The following XPR1 variants were observed in gnomAD, a reference collection of about 807,000 sequenced individuals.
The protein encoded by XPR1 is solute carrier family 53 member 1.
XPR1 carries 28 observed loss-of-function variants against 87.5 expected under a neutral mutation model. The ratio of observed to expected loss-of-function variants is 0.32; its 90% CI spans 0.24 to 0.44. The LOEUF (loss-of-function observed/expected upper bound fraction) is 0.44. Ranked by LOEUF, XPR1 falls within the 20% of genes least tolerant of loss-of-function variation. The probability of loss-of-function intolerance (pLI) is 1.00; values close to 1 mark genes in which losing one functional copy is unlikely to be tolerated. For missense variants in XPR1, 559 were observed against 862.3 expected (o/e 0.65, Z 4.41); for synonymous variants, 300 against 306.1 (o/e 0.98, Z 0.21).
intron 11 of XPR1, among the ~76,000 whole-genome samples, chr1:180,837,367 A>G (rs1246578048): frequency 6.6e-6 from 1 of 152,218 alleles, no homozygotes; most frequent in Non-Finnish European, 1.5e-5. Flanking sequence ...AACATCAACC[A>G]ACACCTTAGA....
At chr1:180,729,304 T>C (rs1232702939) in intron 2 of XPR1, among the ~76,000 whole-genome samples, 1 of 152,204 alleles carries the variant, frequency 6.6e-6, no homozygotes, top group Non-Finnish European at 1.5e-5. Flanking sequence ...GATTAACATA[T>C]GTGTGCATTT....
chr1:180,732,845 C>T (rs1249978846), intron 2 of XPR1, among the ~76,000 whole-genome samples: 1 of 152,210 alleles, frequency 6.6e-6, no homozygotes, highest in Non-Finnish European at 1.5e-5. Context: ...AGAATCGGAT[C>T]ACACTTGGGC....
At chr1:180,666,924 T>C (rs1300179776) in intron 1 of XPR1, among the ~76,000 whole-genome samples, 1 of 152,114 alleles carries the variant, frequency 6.6e-6, no homozygotes, top group African/African-American at 2.4e-5. Flanking sequence ...CAGTCTTTTT[T>C]TTTTTTTCCA....
chr1:180,701,525 A>G (rs1657331368), intron 2 of XPR1, among the ~76,000 whole-genome samples: 1 of 140,144 alleles, frequency 7.1e-6, no homozygotes, highest in East Asian at 1.9e-4. Flanking sequence ...ACATTTATTG[A>G]TTTGTGTATA....
intron 2 of XPR1, among the ~76,000 whole-genome samples, chr1:180,763,567 T>A (rs1416084280): frequency 6.6e-6 from 1 of 152,184 alleles, no homozygotes; most frequent in Non-Finnish European, 1.5e-5. Flanking sequence ...TGTTTCTGAA[T>A]CAAGGTGATT....
At chr1:180,753,304 C>T (rs1241484599) in intron 2 of XPR1, among the ~76,000 whole-genome samples, 1 of 152,092 alleles carries the variant, frequency 6.6e-6, no homozygotes, top group East Asian at 1.9e-4. Context: ...GTGGCACACT[C>T]CTGTAATCCC....
chr1:180,692,867 G>A (rs1424267027), intron 2 of XPR1, among the ~76,000 whole-genome samples: 1 of 152,084 alleles, frequency 6.6e-6, no homozygotes, highest in Non-Finnish European at 1.5e-5. Context: ...TGGAAGCAAT[G>A]AAGAAATGTT....
intron 1 of XPR1, among the ~76,000 whole-genome samples, chr1:180,641,332 G>C (rs929196241): frequency 6.6e-6 from 1 of 152,166 alleles, no homozygotes; most frequent in Non-Finnish European, 1.5e-5. Flanking sequence ...ACTAAATAAT[G>C]TTTGGCTAAT....
Position 180,695,232 on chromosome 1 carries a change from G to A in XPR1, c.121+12821G>A, listed in dbSNP as rs114174560. On this transcript the variant is annotated intron_variant, in intron 2 of 14. Transcript: ENST00000367590. ...TCCATTCAAATCCTTTGCCCACTTT[G>A]TAATGGGATTGCTTTTTCATTATTG... is the stretch of plus-strand genomic sequence containing the variant. Among the ~76,000 whole-genome samples, 196 of 152,168 alleles carry A rather than the reference G, an allele frequency of 1.3e-3. 1 individual carries two copies. The highest frequency in any genetic ancestry group is 2.4e-3 in the Admixed American group (36 of 15,280).
At chr1:180,641,204 G>C (rs112685656) in intron 1 of XPR1, among the ~76,000 whole-genome samples, 2,549 of 152,220 alleles carry the variant, frequency 0.017, 79 homozygotes, top group African/African-American at 0.056. Flanking sequence ...AGTACTTACA[G>C]GATTGTTGTG....
At chr1:180,708,164 A>G (rs1242798433) in intron 2 of XPR1, among the ~76,000 whole-genome samples, 3 of 152,202 alleles carry the variant, frequency 2.0e-5, no homozygotes, top group Admixed American at 6.5e-5. Flanking sequence ...TTGAACATCT[A>G]TTACAAATAG....
Position 180,834,856 on chromosome 1 carries a change from A to T in XPR1, c.1135-18A>T. ...ACTTTTCTTGTTTCTGTGTTTTCTG[A>T]TTTTTTTTTTCTTTCAGTTTCGAGT... On this transcript the variant is annotated intron_variant, in intron 9 of 14. Transcript: ENST00000367590. 6.7e-7 allele frequency: 1 copy of T among 1,491,298 alleles called. No homozygotes were observed. Among genetic ancestry groups the T allele is most frequent in the Non-Finnish European group, 9.1e-7 (1 of 1,099,488 alleles). 92.4% of individuals were successfully genotyped at this position (1,491,298 alleles called of 1,614,324 possible).
chr1:180,650,433 G>A (rs964181871), intron 1 of XPR1, among the ~76,000 whole-genome samples: 1 of 152,160 alleles, frequency 6.6e-6, no homozygotes, highest in East Asian at 1.9e-4. Flanking sequence ...AGAGTTATTC[G>A]ATCACCTGTA....
chr1:180,748,087 A>C (rs1283198492), intron 2 of XPR1, among the ~76,000 whole-genome samples: 1 of 152,216 alleles, frequency 6.6e-6, no homozygotes, highest in Non-Finnish European at 1.5e-5. Flanking sequence ...AGAGTCATCC[A>C]TACCCCAGCT....
intron 1 of XPR1, among the ~76,000 whole-genome samples, chr1:180,681,342 G>A: frequency 6.6e-6 from 1 of 152,126 alleles, no homozygotes; most frequent in East Asian, 1.9e-4. Context: ...GTTATTATTT[G>A]TGGATTAAAA....
intron 4 of XPR1, 21 bp from the exon 5 acceptor site, chr1:180,806,041 G>A: frequency 6.2e-7 from 1 of 1,607,544 alleles, no homozygotes; most frequent in Non-Finnish European, 8.5e-7. Flanking sequence ...TTATAGTTGT[G>A]TTTCTCATTT....
At position 180,689,474 on chromosome 1, in the gene XPR1, T is replaced by C. The variant is rs182136165; in HGVS notation, c.121+7063T>C. Among the ~76,000 whole-genome samples, 535 of 152,264 alleles carry C rather than the reference T, an allele frequency of 3.5e-3. 4 individuals are homozygous for C. The highest frequency in any genetic ancestry group is 6.2e-3 in the Non-Finnish European group (419 of 68,004). ...TCTTTCAATAAATTTCTCTCCTAAT[T>C]TTTTTATTACTCCATATAGTTCCCA... On this transcript the variant is annotated intron_variant, in intron 2 of 14. Transcript: ENST00000367590.
intron 2 of XPR1, among the ~76,000 whole-genome samples, chr1:180,709,037 G>A (rs138989171): frequency 0.034 from 5,145 of 151,550 alleles, 129 homozygotes; most frequent in African/African-American, 0.07. Flanking sequence ...TCAGCCTCCT[G>A]AGTAGCTGGG....
At chr1:180,678,454 A>G (rs1038969928) in intron 1 of XPR1, among the ~76,000 whole-genome samples, 6 of 152,222 alleles carry the variant, frequency 3.9e-5, no homozygotes, top group Non-Finnish European at 8.8e-5. Flanking sequence ...TTGGAGCTCT[A>G]TGCCGGGTAC....
Sources: allele counts gnomAD v4.1 joint callset (sites outside exome capture counted in the v4.1 genomes callset), GRCh38; gene constraint gnomAD v4.1.1; transcripts MANE v1.5; gene names NCBI Gene and HGNC (gene_info 2026-07-23, HGNC 2026-07-21).